HEMK2: variants seen among roughly 807,000 people sequenced by gnomAD.
HEMK2 encodes HemK methyltransferase 2, ETF1 glutamine and histone H4 lysine.
At chr21:28,763,833 A>G in the HEMK2 span, among the ~76,000 whole-genome samples, 2 of 152,068 alleles carry the variant, frequency 1.3e-5, no homozygotes, top group African/African-American at 4.8e-5. Flanking sequence ...GCCAACACCA[A>G]CTACTCTCTT....
chr21:28,852,759 G>A, the HEMK2 span, among the ~76,000 whole-genome samples: 2 of 152,156 alleles, frequency 1.3e-5, no homozygotes, highest in East Asian at 1.9e-4. Flanking sequence ...TTGTTTACTC[G>A]ATCTGAAAGT....
At chr21:28,730,395 C>CAGACACACACACACAG in the HEMK2 span, among the ~76,000 whole-genome samples, 3 of 142,830 alleles carry the variant, frequency 2.1e-5, no homozygotes, top group African/African-American at 8.1e-5. Flanking sequence ...CACACACACA[C>CAGACACACACACACAG]ACACACACAC....
chr21:28,831,475 G>GAAAAGAAAGA, the HEMK2 span, among the ~76,000 whole-genome samples: 1 of 33,600 alleles, frequency 3.0e-5, no homozygotes, highest in African/African-American at 1.7e-4. Context: ...AAGAAAGAAA[G>GAAAAGAAAGA]AAAGAAAGAA....
At chr21:28,772,538 G>T in the HEMK2 span, among the ~76,000 whole-genome samples, 2 of 152,052 alleles carry the variant, frequency 1.3e-5, no homozygotes, top group African/African-American at 4.8e-5. Context: ...GCTCTTAATT[G>T]CTTCACATTA....
At chr21:28,736,791 A>AT in the HEMK2 span, among the ~76,000 whole-genome samples, 17 of 130,800 alleles carry the variant, frequency 1.3e-4, no homozygotes, top group East Asian at 4.8e-3. Context: ...TTTGGATACA[A>AT]TTAAAAAAAA....
At chr21:28,720,610 G>A in the HEMK2 span, among the ~76,000 whole-genome samples, 4 of 152,174 alleles carry the variant, frequency 2.6e-5, no homozygotes, top group Admixed American at 1.3e-4. Flanking sequence ...GCGGGCGCCT[G>A]TAATCCCAGC....
the HEMK2 span, among the ~76,000 whole-genome samples, chr21:28,733,273 C>A: frequency 6.6e-6 from 1 of 152,024 alleles, no homozygotes; most frequent in South Asian, 2.1e-4. Context: ...AGCAAGACTC[C>A]GTCTCAAAAA....
the HEMK2 span, among the ~76,000 whole-genome samples, chr21:28,624,292 G>A: frequency 1.3e-5 from 2 of 152,180 alleles, no homozygotes; most frequent in Admixed American, 6.5e-5. Context: ...AATTTTGAAC[G>A]CTAAAGCAAA....
chr21:28,808,890 T>C, the HEMK2 span, among the ~76,000 whole-genome samples: 1 of 152,172 alleles, frequency 6.6e-6, no homozygotes, highest in African/African-American at 2.4e-5. Context: ...ATTTAATAGT[T>C]TTAATTAAGA....
At chr21:28,859,139 T>C in the HEMK2 span, among the ~76,000 whole-genome samples, 4 of 152,238 alleles carry the variant, frequency 2.6e-5, no homozygotes, top group Admixed American at 6.5e-5. Context: ...ATTATTAAAG[T>C]TCCAGGATTC....
chr21:28,680,179 G>A, the HEMK2 span, among the ~76,000 whole-genome samples: 1 of 152,064 alleles, frequency 6.6e-6, no homozygotes, highest in African/African-American at 2.4e-5. Flanking sequence ...AGAAAAGAGA[G>A]AAGAATCAAA....
the HEMK2 span, chr21:28,885,308 T>C: frequency 6.3e-7 from 1 of 1,588,722 alleles, no homozygotes; most frequent in Non-Finnish European, 8.6e-7. Context: ...GCGGCCCACG[T>C]GCCCGTGGAA....
chr21:28,731,597 G>A, the HEMK2 span, among the ~76,000 whole-genome samples: 3 of 139,618 alleles, frequency 2.1e-5, no homozygotes, highest in Admixed American at 2.2e-4. Context: ...CACACTCCGG[G>A]AACTGTTGTG....
At chr21:28,589,289 A>C in the HEMK2 span, among the ~76,000 whole-genome samples, 50 of 152,196 alleles carry the variant, frequency 3.3e-4, no homozygotes, top group Non-Finnish European at 1.0e-4. Context: ...ATAGCACAGA[A>C]TGGATTTCAA....
At chr21:28,882,939 T>C in the HEMK2 span, 6 of 1,265,978 alleles carry the variant, frequency 4.7e-6, no homozygotes, top group East Asian at 4.9e-5. Flanking sequence ...AGAGTTATCA[T>C]AGTTAACCTG....
the HEMK2 span, among the ~76,000 whole-genome samples, chr21:28,724,985 TG>T: frequency 6.6e-6 from 1 of 152,142 alleles, no homozygotes; most frequent in Non-Finnish European, 1.5e-5. Flanking sequence ...AGTTTTGTCA[TG>T]TTGGCCCGGC....
At chr21:28,626,038 A>G in the HEMK2 span, among the ~76,000 whole-genome samples, 1 of 152,194 alleles carries the variant, frequency 6.6e-6, no homozygotes, top group South Asian at 2.1e-4. Context: ...AAACTGAAAT[A>G]TACCAGGATT....
the HEMK2 span, among the ~76,000 whole-genome samples, chr21:28,591,824 C>T: frequency 2.6e-5 from 4 of 152,198 alleles, no homozygotes; most frequent in South Asian, 6.2e-4. Flanking sequence ...TTCCTGAGTT[C>T]GTTTTCTAAG....
chr21:28,632,393 T>C, the HEMK2 span, among the ~76,000 whole-genome samples: 1 of 152,238 alleles, frequency 6.6e-6, no homozygotes, highest in Non-Finnish European at 1.5e-5. Context: ...CATGTTTTTA[T>C]CAGTTGTGGC....
Sources: allele counts gnomAD v4.1 joint callset (sites outside exome capture counted in the v4.1 genomes callset), GRCh38; gene constraint gnomAD v4.1.1; transcripts MANE v1.5; gene names NCBI Gene and HGNC (gene_info 2026-07-23, HGNC 2026-07-21).